CACNB2: variants seen among roughly 807,000 people sequenced by gnomAD.
CACNB2 encodes voltage-dependent L-type calcium channel subunit beta-2.
A neutral mutation model predicts 73.3 loss-of-function variants in CACNB2; 42 were observed. The observed-to-expected ratio is 0.57, with a 90% CI of 0.45 to 0.74. The LOEUF (loss-of-function observed/expected upper bound fraction) is 0.74. CACNB2 is among the 30% of genes least tolerant of loss of function. The pLI is 0.00. For synonymous variants in CACNB2, 348 were observed against 310.3 expected (o/e 1.12, Z -1.28); for missense variants, 940 against 853.0 (o/e 1.10, Z -1.27).
At chr10:18,366,153 T>C (rs1228965513) in intron 2 of CACNB2, among the ~76,000 whole-genome samples, 1 of 152,132 alleles carries the variant, frequency 6.6e-6, no homozygotes, top group Non-Finnish European at 1.5e-5. Flanking sequence ...GTCTGGGTCA[T>C]GTAAATAAAC....
chr10:18,278,593 A>G (rs994603335), intron 2 of CACNB2, among the ~76,000 whole-genome samples: 2 of 152,232 alleles, frequency 1.3e-5, no homozygotes, highest in Admixed American at 6.5e-5. Context: ...CTTATAAAAC[A>G]TGATTTATAT....
At chr10:18,488,462 G>A (rs1020131591) in intron 3 of CACNB2, among the ~76,000 whole-genome samples, 150 of 115,534 alleles carry the variant, frequency 1.3e-3, no homozygotes, top group African/African-American at 4.8e-3. Context: ...GCGACAGAGC[G>A]AGACTCCATC....
intron 3 of CACNB2, among the ~76,000 whole-genome samples, chr10:18,461,212 C>T (rs1431510500): frequency 6.6e-6 from 1 of 152,188 alleles, no homozygotes; most frequent in Non-Finnish European, 1.5e-5. Context: ...CTGCGCCCTG[C>T]CTTTCTTGCT....
intron 2 of CACNB2, among the ~76,000 whole-genome samples, chr10:18,251,393 G>A (rs1030191646): frequency 9.9e-5 from 15 of 151,922 alleles, no homozygotes; most frequent in Non-Finnish European, 5.9e-5. Flanking sequence ...GGTCACACAC[G>A]CCTGCCACAA....
At chr10:18,210,860 A>G (rs2035289091) in intron 2 of CACNB2, among the ~76,000 whole-genome samples, 1 of 152,188 alleles carries the variant, frequency 6.6e-6, no homozygotes, top group South Asian at 2.1e-4. Flanking sequence ...GTGGTAGTTG[A>G]TAAGCGTATG....
intron 3 of CACNB2, among the ~76,000 whole-genome samples, chr10:18,428,339 T>C (rs1373644260): frequency 2.0e-5 from 3 of 152,236 alleles, no homozygotes; most frequent in Non-Finnish European, 4.4e-5. Flanking sequence ...TTTGTCCTTT[T>C]TGCATGCTGC....
chr10:18,400,907 G>A lies in CACNB2; in HGVS notation c.214-1017G>A, dbSNP rs140007845. On this transcript the variant is annotated intron_variant, in intron 2 of 13. Transcript: ENST00000324631. ...AGTGAAAGCCCCGGAGGCAGAAAGG[G>A]ACGGAGAACAGGGGCTTGCCCAGAG... 9.7e-4 allele frequency: 1,510 copies of A among 1,556,348 alleles called. 24 individuals carry two copies. In the East Asian group the frequency reaches 0.025, roughly 26 times the overall value.
chr10:18,482,034 C>A (rs771017071), intron 3 of CACNB2, among the ~76,000 whole-genome samples: 2 of 151,934 alleles, frequency 1.3e-5, no homozygotes, highest in Admixed American at 6.6e-5. Context: ...GGATTACAGG[C>A]GCCTGCCACC....
intron 2 of CACNB2, among the ~76,000 whole-genome samples, chr10:18,396,454 C>T (rs529792148): frequency 3.0e-4 from 45 of 152,254 alleles, no homozygotes; most frequent in Admixed American, 2.0e-3. Context: ...GGTCCTGGCC[C>T]GCTGAAGTCT....
intron 2 of CACNB2, among the ~76,000 whole-genome samples, chr10:18,374,155 A>G (rs1347961757): frequency 6.6e-6 from 1 of 152,216 alleles, no homozygotes; most frequent in African/African-American, 2.4e-5. Flanking sequence ...GCCTGCAGAG[A>G]TGATTCACAA....
intron 2 of CACNB2, among the ~76,000 whole-genome samples, chr10:18,362,581 G>T (rs994805965): frequency 1.3e-5 from 2 of 152,166 alleles, no homozygotes; most frequent in African/African-American, 4.8e-5. Flanking sequence ...GATAACCTGC[G>T]AAGTGGGTGA....
chr10:18,171,665 C>T (rs555641152), intron 2 of CACNB2, among the ~76,000 whole-genome samples: 44 of 149,708 alleles, frequency 2.9e-4, no homozygotes, highest in African/African-American at 1.1e-3. Context: ...ACCGTTTGGA[C>T]TCATCTGTTT....
intron 2 of CACNB2, among the ~76,000 whole-genome samples, chr10:18,295,999 T>G (rs1314325594): frequency 7.9e-4 from 13 of 16,488 alleles, no homozygotes; most frequent in South Asian, 3.3e-3. Flanking sequence ...TTTTTGCGTG[T>G]TTTTTTTTTT....
rs1300267721 is a variant in CACNB2 at position 18,477,806 on chromosome 10, G to A, written c.334-20549G>A. ...TTTACAAAGATAAGATGGACACAGA[G>A]TAGGAAGTATTTAACCTTTTAGTTG... On this transcript the variant is annotated intron_variant, in intron 3 of 13. Transcript: ENST00000324631. Among the ~76,000 whole-genome samples, 3 of 152,230 alleles carry A rather than the reference G, an allele frequency of 2.0e-5. No homozygotes were observed. In the East Asian group the frequency reaches 5.8e-4, roughly 29 times the overall value.
intron 3 of CACNB2, among the ~76,000 whole-genome samples, chr10:18,422,120 G>A (rs1267943709): frequency 6.6e-6 from 1 of 152,222 alleles, no homozygotes; most frequent in Non-Finnish European, 1.5e-5. Context: ...ACCGTTTCAA[G>A]TTCAGCAGAT....
chr10:18,220,201 G>GTGTATATATATATA lies in CACNB2; in HGVS notation c.213+69227_213+69228insGTATATATATATAT, dbSNP rs1251166931. On this transcript the variant is annotated intron_variant, in intron 2 of 13. Transcript: ENST00000324631. ...CATATATATACATATATATGTGTGT[G>GTGTATATATATATA]TATATATATATATATATATATATAT... Among the ~76,000 whole-genome samples the GTGTATATATATATA allele has an allele frequency of 6.4e-4, 15 of 23,314 alleles. No homozygotes were observed. In the South Asian group the frequency reaches 0.011, roughly 17 times the overall value. 15.3% of individuals were successfully genotyped at this position (23,314 alleles called of 152,430 possible). A position where few individuals can be genotyped will look rare whatever the true frequency, so the allele number is the denominator to read the frequency against.
At chr10:18,167,133 A>G (rs928612699) in intron 2 of CACNB2, among the ~76,000 whole-genome samples, 2 of 152,222 alleles carry the variant, frequency 1.3e-5, no homozygotes, top group Admixed American at 1.3e-4. Flanking sequence ...GAATGAAATC[A>G]TGTCTTTCAC....
intron 2 of CACNB2, among the ~76,000 whole-genome samples, chr10:18,317,841 G>A (rs2040251460): frequency 6.6e-6 from 1 of 152,070 alleles, no homozygotes; most frequent in East Asian, 1.9e-4. Context: ...TGGACATTGG[G>A]AAATCAGCTA....
chr10:18,532,966 T>C (rs2053211928), intron 10 of CACNB2: 3 of 151,756 alleles, frequency 2.0e-5, no homozygotes, highest in Non-Finnish European at 4.4e-5. Context: ...TTTAAAGATA[T>C]CTAGGTAAAA....
Sources: allele counts gnomAD v4.1 joint callset (sites outside exome capture counted in the v4.1 genomes callset), GRCh38; gene constraint gnomAD v4.1.1; transcripts MANE v1.5; gene names NCBI Gene and HGNC (gene_info 2026-07-23, HGNC 2026-07-21).